ATM: variants seen among roughly 807,000 people sequenced by gnomAD.
The protein encoded by ATM is serine-protein kinase ATM.
ATM carries 308 observed loss-of-function variants against 387.0 expected under a neutral mutation model. The ratio of observed to expected loss-of-function variants is 0.80; its 90% CI spans 0.73 to 0.87. ATM has a LOEUF of 0.87. Among genes scored for constraint, ATM ranks in the 40% least tolerant of loss-of-function variants. The pLI, the probability that ATM is intolerant of heterozygous loss-of-function variation, is 0.00. For synonymous variants in ATM, 1,156 were observed against 1,187.3 expected (o/e 0.97, Z 0.54); for missense variants, 3,312 against 3,560.9 (o/e 0.93, Z 1.78).
chr11:108,318,940 CTGAGGAGGGTGGATCACA>C (rs1205665704), intron 43 of ATM, among the ~76,000 whole-genome samples: 3 of 152,090 alleles, frequency 2.0e-5, no homozygotes, highest in African/African-American at 7.2e-5. Flanking sequence ...CTTTGGAAGG[CTGAGGAGGGTGGATCACA>C]TGAGGTTAGG....
chr11:108,241,388 TATC>T (rs2079549791), intron 5 of ATM, among the ~76,000 whole-genome samples: 1 of 152,250 alleles, frequency 6.6e-6, no homozygotes, highest in Non-Finnish European at 1.5e-5. Flanking sequence ...AGTCATTTAT[TATC>T]ATTATCAAGG....
At position 108,271,155 on chromosome 11, in the gene ATM, T is replaced by G. The variant is rs2135549171; in HGVS notation, c.2921+9T>G. On this transcript the variant is annotated intron_variant, in intron 19 of 62. Transcript: ENST00000675843. ...CTTCTGAAACCACTATCGTAAGAAA[T>G]TAAAACCTTATGTTATGTTCACTTT... 1 of 1,613,898 alleles carries G rather than the reference T, an allele frequency of 6.2e-7. No individual in the cohort carries two copies. Among genetic ancestry groups the G allele is most frequent in the Non-Finnish European group, 8.5e-7 (1 of 1,179,892 alleles).
At chr11:108,330,541 C>T in intron 50 of ATM, 120 bp downstream of exon 50, 1 of 964,498 alleles carries the variant, frequency 1.0e-6, no homozygotes, top group Admixed American at 1.8e-5. Context: ...GTGCTCTACA[C>T]ATAAGTAGCA....
chr11:108,235,446 A>C (rs1401190432), intron 4 of ATM, among the ~76,000 whole-genome samples: 2 of 152,232 alleles, frequency 1.3e-5, no homozygotes, highest in Non-Finnish European at 2.9e-5. Context: ...AGCAGCCATA[A>C]ACAATAAGTA....
intron 13 of ATM, 98 bp downstream of exon 13, chr11:108,254,137 TG>T: frequency 8.5e-7 from 1 of 1,173,398 alleles, no homozygotes; most frequent in South Asian, 1.3e-5. Context: ...GCAAGGATGG[TG>T]GGAGGCTTCA....
At position 108,268,460 on chromosome 11, in the gene ATM, T is replaced by G; in HGVS notation, c.2689T>G (p.Phe897Val). The G allele has an allele frequency of 6.2e-7, 1 of 1,614,056 alleles. No individual in the cohort carries two copies. The highest frequency in any genetic ancestry group is 8.5e-7 in the Non-Finnish European group (1 of 1,179,986). Reference sequence around the variant, plus strand: ...ATATCTGTCAAAGCAAGATCTACTTTTCTTAGACATGCTCAAGTTCTTGTG... The same window carrying G: ...ATATCTGTCAAAGCAAGATCTACTTGTCTTAGACATGCTCAAGTTCTTGTG... ...EEYLSKQDLL[F>V]LDMLKFLCLC... Residue 897 changes from phenylalanine to valine, a missense_variant, in exon 18 of 63, where the codon TTC becomes GTC. Physicochemically the swap from Phe to Val is conservative, Grantham distance 50. Around this residue, in one of 4 missense-constraint regions of ATM, gnomAD observed 1,791 missense variants for 1,804.5 expected, o/e 0.99. Transcript: ENST00000675843.
chr11:108,316,577 G>C (rs1040040195), intron 42 of ATM, among the ~76,000 whole-genome samples: 1 of 151,824 alleles, frequency 6.6e-6, no homozygotes, highest in Non-Finnish European at 1.5e-5. Context: ...CTCTATTTTT[G>C]TGTTTTTTGG....
intron 18 of ATM, 105 bp downstream of exon 18, chr11:108,268,714 A>T: frequency 7.7e-7 from 1 of 1,305,542 alleles, no homozygotes; most frequent in Non-Finnish European, 1.1e-6. Flanking sequence ...AAGAATTGAA[A>T]TTGCTTTCTT....
At chr11:108,320,591 A>C (rs910351202) in intron 44 of ATM, among the ~76,000 whole-genome samples, 1 of 152,228 alleles carries the variant, frequency 6.6e-6, no homozygotes, top group African/African-American at 2.4e-5. Context: ...TGTATTCTCT[A>C]ATCATGACAA....
intron 22 of ATM, among the ~76,000 whole-genome samples, chr11:108,274,664 T>G (rs760768184): frequency 6.6e-6 from 1 of 152,214 alleles, no homozygotes; most frequent in Non-Finnish European, 1.5e-5. Context: ...TCAGTTTCCA[T>G]GTAGTTGTGT....
chr11:108,346,846 A>C (rs2088479082), intron 58 of ATM, among the ~76,000 whole-genome samples: 1 of 152,104 alleles, frequency 6.6e-6, no homozygotes, highest in African/African-American at 2.4e-5. Flanking sequence ...ATTTGTGTTA[A>C]ATATAATTCA....
At chr11:108,356,720 C>T (rs183203449) in intron 61 of ATM, among the ~76,000 whole-genome samples, 40 of 152,228 alleles carry the variant, frequency 2.6e-4, no homozygotes, top group Non-Finnish European at 5.4e-4. Context: ...GAAGGTAGTT[C>T]TTTTAGGGCC....
chr11:108,254,416 C>G (rs1041855241), intron 13 of ATM, among the ~76,000 whole-genome samples: 1 of 152,120 alleles, frequency 6.6e-6, no homozygotes, highest in Non-Finnish European at 1.5e-5. Context: ...TTGGTGGCAT[C>G]TGAAGAGAGA....
At chr11:108,291,207 G>T (rs1340378862) in intron 29 of ATM, among the ~76,000 whole-genome samples, 4 of 152,012 alleles carry the variant, frequency 2.6e-5, no homozygotes, top group African/African-American at 9.7e-5. Flanking sequence ...CTGCACTCCA[G>T]CCTGGGCGAC....
At chr11:108,305,227 C>A (rs1355295549) in intron 37 of ATM, among the ~76,000 whole-genome samples, 1 of 152,208 alleles carries the variant, frequency 6.6e-6, no homozygotes, top group Non-Finnish European at 1.5e-5. Context: ...ATTTTAGGTA[C>A]TGTGGTGCAG....
rs864622163 is a variant in ATM at position 108,244,910 on chromosome 11, T to C, written c.785T>C (p.Leu262Ser). 1 of 1,613,754 alleles carries C rather than the reference T, an allele frequency of 6.2e-7. No individual in the cohort carries two copies. The highest frequency in any genetic ancestry group is 8.5e-7 in the Non-Finnish European group (1 of 1,179,786). Residue 262 changes from leucine to serine, a missense_variant, in exon 7 of 63, where the codon TTG (leucine) becomes TCG (serine). Physicochemically the swap from Leu to Ser is moderately radical, Grantham distance 145. Around this residue, in one of 4 missense-constraint regions of ATM, gnomAD observed 1,791 missense variants for 1,804.5 expected, o/e 0.99. Transcript: ENST00000675843. ...TTAGGAGATGAAATTCTTCCCACTT[T>C]GCTTTATATTTGGACTCAACATAGG... Reference protein sequence around the residue: ...CELGDEILPTLLYIWTQHRLN... With the variant: ...CELGDEILPTSLYIWTQHRLN...
intron 20 of ATM, among the ~76,000 whole-genome samples, chr11:108,271,892 G>T (rs542569919): frequency 2.0e-5 from 3 of 152,144 alleles, no homozygotes; most frequent in Non-Finnish European, 4.4e-5. Context: ...TTGAGATGGA[G>T]TCTCACTCCA....
At chr11:108,297,161 A>G (rs529118716) in intron 32 of ATM, 126 bp from the exon 33 acceptor site, 1 of 746,472 alleles carries the variant, frequency 1.3e-6, no homozygotes, top group South Asian at 1.7e-5. Context: ...TGAGCTACTC[A>G]TGACTTAAAA....
At chr11:108,361,034 ATATC>A (rs1254886469) in intron 61 of ATM, among the ~76,000 whole-genome samples, 2 of 123,090 alleles carry the variant, frequency 1.6e-5, no homozygotes, top group Non-Finnish European at 3.3e-5. Context: ...ACATGATTGT[ATATC>A]TAGAAAACCC....
Sources: allele counts gnomAD v4.1 joint callset (sites outside exome capture counted in the v4.1 genomes callset), GRCh38; gene constraint gnomAD v4.1.1; regional missense constraint gnomAD v4.1.1; transcripts MANE v1.5; gene names NCBI Gene and HGNC (gene_info 2026-07-23, HGNC 2026-07-21).